Variants in NRP2 observed in about 807,000 individuals in gnomAD.
The protein encoded by NRP2 is neuropilin-2.
Under a neutral mutation model 110.4 loss-of-function variants are expected in NRP2, and 52 were observed. The observed-to-expected ratio is 0.47, with a 90% CI of 0.38 to 0.59. The LOEUF (loss-of-function observed/expected upper bound fraction) is 0.59, where lower values mean the gene tolerates loss of function less well. NRP2 is among the 20% of genes least tolerant of loss of function. The probability of loss-of-function intolerance (pLI) is 0.00; values close to 1 mark genes in which losing one functional copy is unlikely to be tolerated. For synonymous variants in NRP2, 508 were observed against 468.9 expected (o/e 1.08, Z -1.08); for missense variants, 1,049 against 1,203.0 (o/e 0.87, Z 1.89).
Position 205,743,261 on chromosome 2 carries a change from C to G in NRP2, c.1350C>G (p.Ile450Met). 6.2e-7 allele frequency: 1 copy of G among 1,614,146 alleles called. No homozygotes were observed. The highest frequency in any genetic ancestry group is 8.5e-7 in the Non-Finnish European group (1 of 1,180,044). The change falls in exon 9 of 17, where the codon ATC becomes ATG. Residue 450 changes from isoleucine (I) to methionine (M), a missense_variant. Physicochemically the swap from Ile to Met is conservative, Grantham distance 10. Coordinates refer to ENST00000357785, the MANE Select transcript of NRP2 (RefSeq NM_003872.3). ...MLSGLIADSQISASSTQEYLW... is the reference protein window; with the variant it reads ...MLSGLIADSQMSASSTQEYLW... ...CAGGCCTCATTGCAGACTCCCAGAT[C>G]TCCGCCTCTTCCACCCAGGAATACC...
chr2:205,775,060 G>A (rs950515093), intron 15 of NRP2, among the ~76,000 whole-genome samples: 3 of 152,160 alleles, frequency 2.0e-5, no homozygotes, highest in Non-Finnish European at 4.4e-5. Context: ...TCCCACCCAT[G>A]GCTCCCCTGC....
intron 8 of NRP2, among the ~76,000 whole-genome samples, chr2:205,741,039 A>G (rs1333074444): frequency 1.3e-5 from 2 of 152,142 alleles, no homozygotes; most frequent in East Asian, 3.9e-4. Flanking sequence ...CCATGGTTTG[A>G]ATCTAGGCAG....
At chr2:205,730,126 C>T (rs927325906) in intron 7 of NRP2, among the ~76,000 whole-genome samples, 1 of 152,236 alleles carries the variant, frequency 6.6e-6, no homozygotes, top group African/African-American at 2.4e-5. Flanking sequence ...TCCTTCACCC[C>T]ACTGCGGGTG....
In NRP2 at chr2:205,766,777, T is replaced by C. The variant is rs771323592; in HGVS notation, c.2405-6T>C. Reference sequence around the variant, plus strand: ...CTAAGTCCAATTTTTTGTTTGTTTTTTTCAGAACCCATCTCGGCTTTTGCA... The same window carrying C: ...CTAAGTCCAATTTTTTGTTTGTTTTCTTCAGAACCCATCTCGGCTTTTGCA... On this transcript the variant is annotated splice_region_variant and splice_polypyrimidine_tract_variant and intron_variant, in intron 14 of 16. Transcript: ENST00000357785. 1 of 1,613,562 alleles carries C rather than the reference T, an allele frequency of 6.2e-7. No homozygotes were observed. Among genetic ancestry groups the C allele is most frequent in the South Asian group, 1.1e-5 (1 of 91,058 alleles).
chr2:205,781,461 G>A (rs1440977408), intron 15 of NRP2, among the ~76,000 whole-genome samples: 2 of 152,244 alleles, frequency 1.3e-5, no homozygotes, highest in African/African-American at 4.8e-5. Context: ...CCCTAGCTCA[G>A]ATAACCGAAA....
intron 1 of NRP2, among the ~76,000 whole-genome samples, chr2:205,696,364 G>A (rs969986011): frequency 1.3e-5 from 2 of 152,118 alleles, no homozygotes; most frequent in African/African-American, 4.8e-5. Flanking sequence ...TAATTCACGG[G>A]CCCATGCTGC....
Position 205,763,438 on chromosome 2 carries a change from C to G in NRP2, c.2045-236C>G, listed in dbSNP as rs1004002147. ...GAAAGAGATGGAAAGGAAATGATAC[C>G]GAGAAATAGGCAGGAGGGACCGATT... is the stretch of plus-strand genomic sequence containing the variant. On this transcript the variant is annotated intron_variant, in intron 12 of 16. Transcript: ENST00000357785. This position sits in a 1 kb window ranked among gnomAD's most constrained non-coding sequence, Gnocchi z 4.0. 1.3e-5 allele frequency among the ~76,000 whole-genome samples: 2 copies of G among 151,970 alleles called. No homozygotes were observed. The highest frequency in any genetic ancestry group is 4.8e-5 in the African/African-American group (2 of 41,354).
At position 205,743,499 on chromosome 2, in the gene NRP2, C is replaced by T. The variant is rs1284851838; in HGVS notation, c.1588C>T (p.Leu530=). 1 of 1,614,216 alleles carries T rather than the reference C, an allele frequency of 6.2e-7. No homozygotes were observed. Among genetic ancestry groups the T allele is most frequent in the South Asian group, 1.1e-5 (1 of 91,080 alleles). Residue 530 remains leucine (L), a synonymous_variant, in exon 9 of 17, where the codon CTA becomes TTA. Transcript: ENST00000357785. ...FVRKFKVSYS[L]NGKDWEYIQD... ...GCGCAAGTTCAAAGTCTCCTACAGC[C>T]TAAACGGCAAGGACTGGGAATACAT...
chr2:205,690,874 AACTC>A (rs2056300255), intron 1 of NRP2, among the ~76,000 whole-genome samples: 1 of 152,216 alleles, frequency 6.6e-6, no homozygotes, highest in African/African-American at 2.4e-5. Context: ...AGTTCGCACT[AACTC>A]TACCTTGACC....
chr2:205,776,594 C>T (rs1173029234), intron 15 of NRP2: 5 of 1,598,952 alleles, frequency 3.1e-6, no homozygotes, highest in African/African-American at 1.3e-5. Flanking sequence ...CGATTTTGCA[C>T]TTTTTTCTCC....
chr2:205,735,783 T>C (rs181182398), intron 7 of NRP2, among the ~76,000 whole-genome samples: 78 of 152,262 alleles, frequency 5.1e-4, no homozygotes, highest in African/African-American at 1.9e-3. Flanking sequence ...TGAAAAATGC[T>C]GGATTATATT....
intron 1 of NRP2, among the ~76,000 whole-genome samples, chr2:205,695,083 A>G (rs573982418): frequency 6.6e-6 from 1 of 152,332 alleles, no homozygotes; most frequent in East Asian, 1.9e-4. Flanking sequence ...GCCAAACAAG[A>G]ATGTGAATTT....
intron 8 of NRP2, among the ~76,000 whole-genome samples, chr2:205,741,509 C>G (rs2057441447): frequency 6.6e-6 from 1 of 152,158 alleles, no homozygotes; most frequent in Non-Finnish European, 1.5e-5. Context: ...TGGAGAAGAC[C>G]AGAGTGGGAG....
chr2:205,732,758 A>G lies in NRP2; in HGVS notation c.1146+4712A>G, dbSNP rs952401076. ...ATAAGTCATCCAGACCTTTCCCTGC[A>G]TCTGATGGGGCCTGCATTGAGCTGC... is the stretch of plus-strand genomic sequence containing the variant. On this transcript the variant is annotated intron_variant, in intron 7 of 16. Coordinates refer to ENST00000357785, the MANE Select transcript of NRP2 (RefSeq NM_003872.3). Among the ~76,000 whole-genome samples the G allele has an allele frequency of 2.6e-5, 4 of 152,328 alleles. 1 individual carries two copies.
At chr2:205,753,861 T>G (rs1364567735) in intron 12 of NRP2, among the ~76,000 whole-genome samples, 3 of 152,202 alleles carry the variant, frequency 2.0e-5, no homozygotes, top group Non-Finnish European at 4.4e-5. Flanking sequence ...AGTTTTTTTT[T>G]CCATTGTGCA....
intron 15 of NRP2, among the ~76,000 whole-genome samples, chr2:205,775,737 A>G (rs2058086817): frequency 6.6e-6 from 1 of 152,164 alleles, no homozygotes; most frequent in Non-Finnish European, 1.5e-5. Context: ...CAGACCAAAT[A>G]TGGTGTTTCC....
Position 205,685,974 on chromosome 2 carries a change from C to G in NRP2, c.73+2611C>G, listed in dbSNP as rs143079203. On this transcript the variant is annotated intron_variant, in intron 1 of 16. Coordinates refer to ENST00000357785, the MANE Select transcript of NRP2 (RefSeq NM_003872.3). ...GGTGCGCAGGAACAGGTGAAGAGCA[C>G]GCGGCGTGCGGCCATCCACGTGGTG... Among the ~76,000 whole-genome samples, 1,284 of 152,288 alleles carry G rather than the reference C, an allele frequency of 8.4e-3. 11 individuals carry two copies. Among genetic ancestry groups the G allele is most frequent in the East Asian group, 0.022 (115 of 5,146 alleles).
chr2:205,709,682 C>T (rs1442106357), intron 2 of NRP2, among the ~76,000 whole-genome samples: 1 of 152,136 alleles, frequency 6.6e-6, no homozygotes, highest in African/African-American at 2.4e-5. Flanking sequence ...AGACCTTTTC[C>T]CTAGAAAAAT....
In NRP2 at chr2:205,766,794, G is replaced by A; in HGVS notation, c.2416G>A (p.Ala806Thr). 1.9e-6 allele frequency: 3 copies of A among 1,612,566 alleles called. No homozygotes were observed. The highest frequency in any genetic ancestry group is 2.5e-6 in the Non-Finnish European group (3 of 1,179,870). ...TTTGTTTTTTTCAGAACCCATCTCG[G>A]CTTTTGCAGGTGAGAATTTTAAAGG... ...PLENCMEPIS[A>T]FAVDIPEIHE... is the part of the protein sequence containing the mutation. The change falls in exon 15 of 17, where the codon GCT (alanine) becomes ACT (threonine). Residue 806 changes from alanine to threonine, a missense_variant. Ala to Thr is a moderately conservative substitution (Grantham distance 58, BLOSUM62 0). Coordinates refer to ENST00000357785, the MANE Select transcript of NRP2 (RefSeq NM_003872.3).
Sources: gnomAD v4.1 joint callset for allele counts (sites outside exome capture counted in the v4.1 genomes callset) on GRCh38, gnomAD v4.1.1 for gene constraint, Gnocchi (gnomAD v3.1) non-coding constraint, MANE v1.5 for transcripts, NCBI Gene and HGNC (gene_info 2026-07-23, HGNC 2026-07-21) for gene names.